Variants in ATXN7 observed in about 807,000 individuals in gnomAD.
The protein encoded by ATXN7 is ataxin-7.
Under a neutral mutation model 70.5 loss-of-function variants are expected in ATXN7, and 12 were observed. The ratio of observed to expected loss-of-function variants is 0.17; its 90% CI spans 0.11 to 0.28. The LOEUF is 0.28. ATXN7 is among the 10% of genes least tolerant of loss of function. The pLI, the probability that ATXN7 is intolerant of heterozygous loss-of-function variation, is 1.00. For synonymous variants in ATXN7, 498 were observed against 448.7 expected (o/e 1.11, Z -1.39); for missense variants, 1,256 against 1,131.7 (o/e 1.11, Z -1.58).
rs1559619605 is a variant in ATXN7 at position 63,884,238 on chromosome 3, CACA to C, written c.-110-14160_-110-14158del. 1.6e-4 allele frequency among the ~76,000 whole-genome samples: 18 copies of C among 115,122 alleles called. No individual in the cohort carries two copies. The East Asian group carries it at 3.8e-3, about 24-fold the overall frequency. 75.5% of individuals were successfully genotyped at this position (115,122 alleles called of 152,430 possible). A position where few individuals can be genotyped will look rare whatever the true frequency, so the allele number is the denominator to read the frequency against. ...ACACACACACACACACACACACACA[CACA>C]TACTCTCACACACACACACACTCAT... On this transcript the variant is annotated intron_variant, in intron 1 of 12. Transcript: ENST00000674280.
At chr3:63,975,642 G>T (rs1296365983) in intron 5 of ATXN7, among the ~76,000 whole-genome samples, 1 of 152,056 alleles carries the variant, frequency 6.6e-6, no homozygotes, top group African/African-American at 2.4e-5. Context: ...CCTTTTTGGT[G>T]TGTACCTGGA....
At chr3:63,965,523 T>C (rs920719110) in intron 5 of ATXN7, among the ~76,000 whole-genome samples, 9 of 152,202 alleles carry the variant, frequency 5.9e-5, no homozygotes, top group African/African-American at 9.6e-5. Context: ...CTGATACATA[T>C]AATTTTCGGT....
intron 1 of ATXN7, among the ~76,000 whole-genome samples, chr3:63,884,005 T>C (rs531946433): frequency 4.0e-4 from 61 of 152,252 alleles, no homozygotes; most frequent in Non-Finnish European, 7.3e-4. Context: ...AGGAAGATAC[T>C]TGAAGAGATA....
chr3:63,973,941 T>C (rs534638920), intron 5 of ATXN7, among the ~76,000 whole-genome samples: 106 of 152,194 alleles, frequency 7.0e-4, no homozygotes, highest in African/African-American at 2.2e-3. Flanking sequence ...GGTAAGTATA[T>C]ATAAAAATAG....
Position 63,996,365 on chromosome 3 carries a change from A to G in ATXN7, c.2543A>G (p.Asn848Ser), listed in dbSNP as rs371435328. 5.7e-5 allele frequency: 92 copies of G among 1,614,038 alleles called. No individual in the cohort carries two copies. The highest frequency in any genetic ancestry group is 1.6e-4 in the Middle Eastern group (1 of 6,084). The change falls in exon 12 of 13, where the codon AAC becomes AGC. Residue 848 changes from asparagine (N) to serine (S), a missense_variant. Physicochemically the swap from Asn to Ser is conservative, Grantham distance 46. Transcript: ENST00000674280. ...TCACCCAGCTCGAGCAGCATCAACAACAGCAGCAGCAAACCCACAAAGGTT... is the reference window on the plus strand; with the variant it reads ...TCACCCAGCTCGAGCAGCATCAACAGCAGCAGCAGCAAACCCACAAAGGTT... Reference protein sequence around the residue: ...KCSPSSSSINNSSSKPTKVAK... With the variant: ...KCSPSSSSINSSSSKPTKVAK...
chr3:63,916,662 G>T (rs1322002578), intron 4 of ATXN7, among the ~76,000 whole-genome samples: 2 of 152,172 alleles, frequency 1.3e-5, no homozygotes, highest in African/African-American at 4.8e-5. Context: ...GTGGCAGAAG[G>T]TTAGAACTCT....
At chr3:63,942,481 T>C (rs770563982) in intron 4 of ATXN7, among the ~76,000 whole-genome samples, 2 of 152,200 alleles carry the variant, frequency 1.3e-5, no homozygotes, top group African/African-American at 2.4e-5. Flanking sequence ...GTTTTTTTTC[T>C]TTTGTGTAGG....
At chr3:63,958,041 G>A (rs960021805) in intron 5 of ATXN7, among the ~76,000 whole-genome samples, 4 of 152,214 alleles carry the variant, frequency 2.6e-5, no homozygotes, top group South Asian at 4.1e-4. Flanking sequence ...TGAGGCTTCA[G>A]TGTAAAACAT....
chr3:63,997,830 T>C (rs944815595), intron 12 of ATXN7: 3 of 1,451,056 alleles, frequency 2.1e-6, no homozygotes, highest in Non-Finnish European at 1.8e-6. Flanking sequence ...CTCTAATATT[T>C]GGGTGAATTA....
At chr3:63,864,683 G>A (rs937827181) in intron 1 of ATXN7, 1 of 152,238 alleles carries the variant, frequency 6.6e-6, no homozygotes, top group Non-Finnish European at 1.5e-5. Flanking sequence ...CGGTGATCGT[G>A]ATGGGGTGCT....
chr3:63,966,910 A>G (rs1011723988), intron 5 of ATXN7, among the ~76,000 whole-genome samples: 1 of 152,024 alleles, frequency 6.6e-6, no homozygotes, highest in African/African-American at 2.4e-5. Context: ...TTATCATAAA[A>G]CTCAGATCAC....
At chr3:63,989,543 G>A (rs1046886848) in intron 9 of ATXN7, among the ~76,000 whole-genome samples, 2 of 151,242 alleles carry the variant, frequency 1.3e-5, no homozygotes, top group Admixed American at 6.6e-5. Context: ...AAATTGTGTC[G>A]TACTGAACAT....
chr3:63,888,316 C>T (rs975597922), intron 1 of ATXN7, among the ~76,000 whole-genome samples: 2 of 152,068 alleles, frequency 1.3e-5, no homozygotes, highest in African/African-American at 2.4e-5. Context: ...AGAGAGGTCT[C>T]GGTTATTCTT....
intron 4 of ATXN7, among the ~76,000 whole-genome samples, chr3:63,942,060 C>G (rs1019179196): frequency 1.3e-5 from 2 of 152,032 alleles, no homozygotes; most frequent in African/African-American, 4.8e-5. Context: ...TCTCAGGAAA[C>G]CTATGAGCAG....
chr3:63,885,180 A>G (rs947685070), intron 1 of ATXN7, among the ~76,000 whole-genome samples: 16 of 152,238 alleles, frequency 1.1e-4, no homozygotes, highest in African/African-American at 3.6e-4. Flanking sequence ...TGAAAAGACA[A>G]TCAACACTAT....
chr3:63,983,438 C>T (rs1412658345), intron 8 of ATXN7, among the ~76,000 whole-genome samples: 1 of 151,978 alleles, frequency 6.6e-6, no homozygotes. Context: ...TTTTAAAGAA[C>T]CACTTTTTAA....
At chr3:63,994,797 C>G (rs1194455259) in intron 11 of ATXN7, among the ~76,000 whole-genome samples, 1 of 152,180 alleles carries the variant, frequency 6.6e-6, no homozygotes, top group Non-Finnish European at 1.5e-5. Flanking sequence ...TTGTTACTGT[C>G]ACATTTAAGA....
rs1576013976 is a variant in ATXN7 at position 64,002,124 on chromosome 3, A to G, written c.*2657A>G. 1 of 152,516 alleles carries G rather than the reference A, an allele frequency of 6.6e-6. No individual in the cohort carries two copies. Among genetic ancestry groups the G allele is most frequent in the Admixed American group, 6.6e-5 (1 of 15,256 alleles). 9.4% of individuals were successfully genotyped at this position (152,516 alleles called of 1,614,324 possible). A position where few individuals can be genotyped will look rare whatever the true frequency, so the allele number is the denominator to read the frequency against. On this transcript the variant is annotated 3_prime_UTR_variant, in exon 13 of 13. Transcript: ENST00000674280. ...TGGAAGTATCCCTATTTCAGAAGACATATTTTGTTAAAAATGAATTGTACA... is the reference window on the plus strand; with the variant it reads ...TGGAAGTATCCCTATTTCAGAAGACGTATTTTGTTAAAAATGAATTGTACA...
intron 5 of ATXN7, among the ~76,000 whole-genome samples, chr3:63,954,241 C>G (rs1243752456): frequency 6.6e-6 from 1 of 152,170 alleles, no homozygotes; most frequent in Non-Finnish European, 1.5e-5. Context: ...AGGTGTTTTA[C>G]TGGGGATAGA....
Sources: gnomAD v4.1 joint callset for allele counts (sites outside exome capture counted in the v4.1 genomes callset) on GRCh38, gnomAD v4.1.1 for gene constraint, MANE v1.5 for transcripts, NCBI Gene and HGNC (gene_info 2026-07-23, HGNC 2026-07-21) for gene names.